The following PTPRG variants were observed in gnomAD, a reference collection of about 807,000 sequenced individuals.
PTPRG encodes the protein protein tyrosine phosphatase receptor type G.
PTPRG carries 102 observed loss-of-function variants against 165.3 expected under a neutral mutation model. The ratio of observed to expected loss-of-function variants is 0.62; its 90% CI spans 0.53 to 0.73. PTPRG has a LOEUF of 0.73. Among genes scored for constraint, PTPRG ranks in the 30% least tolerant of loss-of-function variants. The pLI is 0.00. For synonymous variants in PTPRG, 675 were observed against 669.5 expected, an observed-to-expected ratio of 1.01 and a Z score of -0.13; for missense variants, 1,866 against 1,861.4, an observed-to-expected ratio of 1.00 and a Z score of -0.05.
chr3:62,111,967 A>G, intron 5 of PTPRG, among the ~76,000 whole-genome samples: 1 of 152,176 alleles, frequency 6.6e-6, no homozygotes, highest in Non-Finnish European at 1.5e-5. Flanking sequence ...AAGGACTTGA[A>G]TGATTAGATA....
intron 16 of PTPRG, among the ~76,000 whole-genome samples, chr3:62,257,825 G>T (rs907042886): frequency 2.6e-5 from 4 of 152,054 alleles, no homozygotes; most frequent in Non-Finnish European, 5.9e-5. Flanking sequence ...CAGGTGTGGT[G>T]ACGCACAACT....
At chr3:62,107,310 T>C (rs1702507130) in intron 5 of PTPRG, among the ~76,000 whole-genome samples, 1 of 152,212 alleles carries the variant, frequency 6.6e-6, no homozygotes, top group Admixed American at 6.5e-5. Context: ...CACCTCCTAA[T>C]TTGAGATTTT....
intron 14 of PTPRG, among the ~76,000 whole-genome samples, chr3:62,239,360 C>CTTTTTTTTTTTTTTTT (rs776921598): frequency 7.2e-5 from 9 of 124,536 alleles, no homozygotes; most frequent in African/African-American, 1.8e-4. Context: ...TTTTTTCTTT[C>CTTTTTTTTTTTTTTTT]TTTTTTTTTT....
intron 3 of PTPRG, among the ~76,000 whole-genome samples, chr3:61,999,056 CT>C (rs909368134): frequency 4.0e-5 from 6 of 151,010 alleles, no homozygotes; most frequent in Non-Finnish European, 7.4e-5. Context: ...CTCTTTTTTT[CT>C]TTTTTTTTGG....
At chr3:61,920,404 T>A (rs1048354628) in intron 2 of PTPRG, among the ~76,000 whole-genome samples, 1 of 152,180 alleles carries the variant, frequency 6.6e-6, no homozygotes, top group Non-Finnish European at 1.5e-5. Context: ...CTTTTTTTAT[T>A]TTTTATTTTT....
At chr3:61,632,868 T>C (rs1701806300) in intron 1 of PTPRG, among the ~76,000 whole-genome samples, 1 of 152,112 alleles carries the variant, frequency 6.6e-6, no homozygotes, top group African/African-American at 2.4e-5. Flanking sequence ...CTCTGGACCA[T>C]GTTCTGCAAG....
chr3:62,107,857 T>G (rs1702527284), intron 5 of PTPRG, among the ~76,000 whole-genome samples: 1 of 152,222 alleles, frequency 6.6e-6, no homozygotes, highest in Admixed American at 6.5e-5. Flanking sequence ...AGAAAAAGCT[T>G]TTAATCAATG....
chr3:61,974,213 A>C (rs2040449040), intron 2 of PTPRG, among the ~76,000 whole-genome samples: 1 of 151,426 alleles, frequency 6.6e-6, no homozygotes, highest in South Asian at 2.1e-4. Flanking sequence ...CTATGGTTTC[A>C]ATTAGTTGTA....
At chr3:61,918,833 GC>G (rs1171818669) in intron 2 of PTPRG, among the ~76,000 whole-genome samples, 1 of 152,070 alleles carries the variant, frequency 6.6e-6, no homozygotes, top group African/African-American at 2.4e-5. Context: ...GTTTTATATT[GC>G]CAGCCAACTT....
chr3:62,050,329 C>T (rs952458027), intron 4 of PTPRG, among the ~76,000 whole-genome samples: 3 of 152,176 alleles, frequency 2.0e-5, no homozygotes, highest in African/African-American at 7.2e-5. Context: ...TTACAGTTGC[C>T]TACAGTATTC....
rs142963042 is a variant in PTPRG at position 61,949,908 on chromosome 3, C to T, written c.191-39717C>T. ...GACTACAGGCACCCGCCACCGTGCCCGGCTAATTTTTGTATTTTTAGTAGA... is the reference window on the plus strand; with the variant it reads ...GACTACAGGCACCCGCCACCGTGCCTGGCTAATTTTTGTATTTTTAGTAGA... On this transcript the variant is annotated intron_variant, in intron 2 of 29. Coordinates refer to ENST00000474889, the MANE Select transcript of PTPRG (RefSeq NM_002841.4). Among the ~76,000 whole-genome samples the T allele has an allele frequency of 1.3e-3, 201 of 152,060 alleles. 4 individuals carry two copies. The South Asian group carries it at 0.03, about 23-fold the overall frequency.
chr3:62,170,918 G>C (rs1576091731), intron 8 of PTPRG, among the ~76,000 whole-genome samples: 2 of 152,176 alleles, frequency 1.3e-5, no homozygotes, highest in South Asian at 4.2e-4. Flanking sequence ...AGGATCTCAG[G>C]ACTCCCCCAT....
At chr3:61,724,258 T>C (rs1043862117) in intron 1 of PTPRG, among the ~76,000 whole-genome samples, 2 of 149,698 alleles carry the variant, frequency 1.3e-5, no homozygotes, top group Non-Finnish European at 3.0e-5. Context: ...AATCATATAA[T>C]ATGTATATAG....
chr3:61,751,967 C>T (rs1289845548), intron 2 of PTPRG, among the ~76,000 whole-genome samples: 2 of 151,824 alleles, frequency 1.3e-5, no homozygotes, highest in Non-Finnish European at 2.9e-5. Flanking sequence ...GCACTCCAGC[C>T]TGGGTGACAT....
At chr3:62,111,019 A>C (rs1702650592) in intron 5 of PTPRG, among the ~76,000 whole-genome samples, 1 of 152,160 alleles carries the variant, frequency 6.6e-6, no homozygotes, top group African/African-American at 2.4e-5. Context: ...GCTCTGTGGG[A>C]AGTGATTCTA....
intron 28 of PTPRG, among the ~76,000 whole-genome samples, chr3:62,285,999 A>G (rs1200392969): frequency 1.3e-5 from 2 of 152,208 alleles, no homozygotes; most frequent in Non-Finnish European, 2.9e-5. Flanking sequence ...GAAGTACATG[A>G]CATGTGATAA....
At chr3:62,024,268 C>A (rs755504319) in intron 4 of PTPRG, among the ~76,000 whole-genome samples, 7 of 152,024 alleles carry the variant, frequency 4.6e-5, no homozygotes, top group African/African-American at 7.2e-5. Flanking sequence ...TGGTTTAACC[C>A]AACCTGGTAA....
In PTPRG at chr3:62,293,345, G is replaced by A. The variant is rs1331163266; in HGVS notation, c.*38G>A. The A allele has an allele frequency of 6.8e-7, 1 of 1,481,208 alleles. No homozygotes were observed. Among genetic ancestry groups the A allele is most frequent in the Non-Finnish European group, 9.0e-7 (1 of 1,117,050 alleles). The allele number at this position is 1,481,208 out of a possible 1,614,324, so 91.8% of individuals were successfully genotyped here. Reference sequence around the variant, plus strand: ...AAGGGCACTTAATTTGTAAACTTCTGAAGACTGAGAACTTTTTTGAGGCCT... The same window carrying A: ...AAGGGCACTTAATTTGTAAACTTCTAAAGACTGAGAACTTTTTTGAGGCCT... On this transcript the variant is annotated 3_prime_UTR_variant, in exon 30 of 30. Coordinates refer to ENST00000474889, the MANE Select transcript of PTPRG (RefSeq NM_002841.4).
At chr3:61,624,270 C>T (rs551034853) in intron 1 of PTPRG, among the ~76,000 whole-genome samples, 53 of 152,244 alleles carry the variant, frequency 3.5e-4, no homozygotes, top group Non-Finnish European at 6.0e-4. Flanking sequence ...GAATGAAAAT[C>T]TACCCCCTCC....
Sources: allele counts gnomAD v4.1 joint callset (sites outside exome capture counted in the v4.1 genomes callset), GRCh38; gene constraint gnomAD v4.1.1; transcripts MANE v1.5; gene names NCBI Gene and HGNC (gene_info 2026-07-23, HGNC 2026-07-21).